Variants in PLPP4 observed in about 807,000 individuals in gnomAD.
The protein encoded by PLPP4 is phospholipid phosphatase 4, also known as diacylglycerol pyrophosphate like 2.
A neutral mutation model predicts 32.2 loss-of-function variants in PLPP4; 20 were observed. The observed-to-expected ratio is 0.62, with a 90% CI of 0.44 to 0.90. PLPP4 has a LOEUF of 0.90. Among genes scored for constraint, PLPP4 ranks in the 40% least tolerant of loss-of-function variants. The pLI, the probability that PLPP4 is intolerant of heterozygous loss-of-function variation, is 0.00. For synonymous variants in PLPP4, 127 were observed against 133.0 expected, an observed-to-expected ratio of 0.95 and a Z score of 0.31; for missense variants, 257 against 353.1, an observed-to-expected ratio of 0.73 and a Z score of 2.18.
chr10:120,501,910 C>T (rs1156891954), intron 1 of PLPP4, among the ~76,000 whole-genome samples: 6 of 152,208 alleles, frequency 3.9e-5, no homozygotes, highest in Non-Finnish European at 8.8e-5. Context: ...GGGGAAGCAG[C>T]TTGCTCCACA....
chr10:120,544,979 C>T (rs1237239707), intron 5 of PLPP4, among the ~76,000 whole-genome samples: 1 of 152,196 alleles, frequency 6.6e-6, no homozygotes, highest in Non-Finnish European at 1.5e-5. Flanking sequence ...TCTCCCTGAG[C>T]GTTTGGTTTT....
At chr10:120,463,816 C>A (rs1564773510) in intron 1 of PLPP4, among the ~76,000 whole-genome samples, 1 of 150,350 alleles carries the variant, frequency 6.7e-6, no homozygotes, top group East Asian at 2.0e-4. Flanking sequence ...CCAGAGGATT[C>A]TTTTTTTTTG....
rs1846135640 is a variant in PLPP4, at chr10:120,521,104, A to G, written c.445+9A>G. The G allele has an allele frequency of 6.2e-7, 1 of 1,613,728 alleles. No homozygotes were observed. Among genetic ancestry groups the G allele is most frequent in the Non-Finnish European group, 8.5e-7 (1 of 1,179,832 alleles). Reference sequence around the variant, plus strand: ...CAGCATCCATTCCTCCTGTAAGTTCATGGCTGGGATTCTCTTAATGCCCCC... The same window carrying G: ...CAGCATCCATTCCTCCTGTAAGTTCGTGGCTGGGATTCTCTTAATGCCCCC... On this transcript the variant is annotated intron_variant, in intron 5 of 6. Transcript: ENST00000398250.
At chr10:120,539,664 T>C (rs890606437) in intron 5 of PLPP4, among the ~76,000 whole-genome samples, 1 of 152,148 alleles carries the variant, frequency 6.6e-6, no homozygotes, top group Non-Finnish European at 1.5e-5. Context: ...AAGCAGACAT[T>C]TTCAGAAGGT....
At chr10:120,534,469 T>G (rs978271659) in intron 5 of PLPP4, among the ~76,000 whole-genome samples, 2 of 152,154 alleles carry the variant, frequency 1.3e-5, no homozygotes, top group African/African-American at 4.8e-5. Flanking sequence ...CTAGGATGTA[T>G]ACATTAATGT....
At chr10:120,560,736 C>T (rs953516217) in intron 5 of PLPP4, among the ~76,000 whole-genome samples, 14 of 152,002 alleles carry the variant, frequency 9.2e-5, no homozygotes, top group Admixed American at 3.3e-4. Flanking sequence ...ACCTGGGTGG[C>T]GGAGTGAGAC....
chr10:120,512,683 T>G (rs1310064145), intron 2 of PLPP4, among the ~76,000 whole-genome samples: 2 of 152,024 alleles, frequency 1.3e-5, no homozygotes, highest in African/African-American at 4.8e-5. Context: ...CGTGGTGGTG[T>G]GCACCTGTAG....
At chr10:120,502,739 A>G (rs1026250304) in intron 1 of PLPP4, among the ~76,000 whole-genome samples, 6 of 152,170 alleles carry the variant, frequency 3.9e-5, no homozygotes, top group Non-Finnish European at 7.4e-5. Context: ...CTTTAGGGTG[A>G]CCAACTGTTC....
At chr10:120,486,938 T>A (rs1292648193) in intron 1 of PLPP4, among the ~76,000 whole-genome samples, 1 of 152,250 alleles carries the variant, frequency 6.6e-6, no homozygotes, top group Non-Finnish European at 1.5e-5. Flanking sequence ...ACATGAGCCC[T>A]TGCTTATTGT....
intron 5 of PLPP4, among the ~76,000 whole-genome samples, chr10:120,522,686 C>T (rs959209322): frequency 3.9e-5 from 6 of 152,016 alleles, no homozygotes; most frequent in Admixed American, 2.0e-4. Context: ...TGAGTGTGAA[C>T]CTTATTTGGA....
At chr10:120,478,461 C>G (rs912547302) in intron 1 of PLPP4, among the ~76,000 whole-genome samples, 2 of 152,152 alleles carry the variant, frequency 1.3e-5, no homozygotes, top group African/African-American at 4.8e-5. Flanking sequence ...TTTAAGTCAA[C>G]TATTTGGTAA....
chr10:120,573,147 G>A (rs1187120284), intron 5 of PLPP4, among the ~76,000 whole-genome samples: 1 of 152,108 alleles, frequency 6.6e-6, no homozygotes, highest in Admixed American at 6.5e-5. Flanking sequence ...TCTTCTCAAA[G>A]AAAACAAGCA....
chr10:120,499,323 T>C, intron 1 of PLPP4, among the ~76,000 whole-genome samples: 1 of 152,216 alleles, frequency 6.6e-6, no homozygotes, highest in Non-Finnish European at 1.5e-5. Context: ...AAGTGGTGCT[T>C]GAGATGATTT....
At chr10:120,540,220 A>G (rs550761905) in intron 5 of PLPP4, among the ~76,000 whole-genome samples, 16 of 152,306 alleles carry the variant, frequency 1.1e-4, no homozygotes, top group African/African-American at 3.8e-4. Flanking sequence ...AGCTCTCCCC[A>G]GGGCCTGTCC....
rs1317866728 is a variant in PLPP4 at position 120,504,026 on chromosome 10, C to T, written c.165+100C>T. 5 of 805,290 alleles carry T rather than the reference C, an allele frequency of 6.2e-6. No individual in the cohort carries two copies. In the Admixed American group the frequency reaches 1.1e-4, roughly 18 times the overall value. 49.9% of individuals were successfully genotyped at this position (805,290 alleles called of 1,614,324 possible). A position where few individuals can be genotyped will look rare whatever the true frequency, so the allele number is the denominator to read the frequency against. On this transcript the variant is annotated intron_variant, in intron 2 of 6. Coordinates refer to ENST00000398250, the MANE Select transcript of PLPP4 (RefSeq NM_001030059.3). ...TCTAACCCTGAAGACAGTGGGTGGCCTGAGAGAAAGAGAAGGAGAGCAGCC... is the reference window on the plus strand; with the variant it reads ...TCTAACCCTGAAGACAGTGGGTGGCTTGAGAGAAAGAGAAGGAGAGCAGCC...
chr10:120,490,506 C>T (rs1318869796), intron 1 of PLPP4, among the ~76,000 whole-genome samples: 1 of 152,232 alleles, frequency 6.6e-6, no homozygotes, highest in African/African-American at 2.4e-5. Flanking sequence ...AGCTGCATTC[C>T]AGAGCCTCAT....
At chr10:120,517,787 A>G (rs1418725771) in intron 3 of PLPP4, among the ~76,000 whole-genome samples, 2 of 152,024 alleles carry the variant, frequency 1.3e-5, no homozygotes, top group African/African-American at 2.4e-5. Flanking sequence ...GCCATTCCAC[A>G]GTACTTTCTG....
chr10:120,482,701 G>A (rs748909924), intron 1 of PLPP4, among the ~76,000 whole-genome samples: 7 of 151,870 alleles, frequency 4.6e-5, no homozygotes, highest in East Asian at 1.9e-4. Context: ...TCAGGAGATC[G>A]AGACCATCCT....
At position 120,527,034 on chromosome 10, in the gene PLPP4, T is replaced by C. The variant is rs144035767; in HGVS notation, c.445+5939T>C. Among the ~76,000 whole-genome samples, 861 of 152,306 alleles carry C rather than the reference T, an allele frequency of 5.7e-3. 7 individuals carry two copies. Among genetic ancestry groups the C allele is most frequent in the Non-Finnish European group, 1.0e-2 (677 of 68,018 alleles). On this transcript the variant is annotated intron_variant, in intron 5 of 6. Coordinates refer to ENST00000398250, the MANE Select transcript of PLPP4 (RefSeq NM_001030059.3). ...GAGATGGAATGTGTGTTCTTGTTTGTATTAGTGAGGGCTCTCTGGAGAAAC... is the reference window on the plus strand; with the variant it reads ...GAGATGGAATGTGTGTTCTTGTTTGCATTAGTGAGGGCTCTCTGGAGAAAC...
Sources: gnomAD v4.1 joint callset for allele counts (sites outside exome capture counted in the v4.1 genomes callset) on GRCh38, gnomAD v4.1.1 for gene constraint, MANE v1.5 for transcripts, NCBI Gene and HGNC (gene_info 2026-07-23, HGNC 2026-07-21) for gene names.